Variants in CCDC30 observed in about 807,000 individuals in gnomAD.
CCDC30 encodes coiled-coil domain-containing protein 30.
In CCDC30, 70 loss-of-function variants were observed where a neutral mutation model predicts 100.2. That is an observed-to-expected ratio of 0.70 (90% CI 0.58 to 0.85). CCDC30 has a LOEUF of 0.85. Ranked by LOEUF, CCDC30 falls within the 40% of genes least tolerant of loss-of-function variation. The pLI is 0.00. For missense variants in CCDC30, 652 were observed against 771.2 expected (o/e 0.85, Z 1.83); for synonymous variants, 233 against 269.5 (o/e 0.86, Z 1.33).
At chr1:42,609,404 G>A (rs1391530719) in intron 10 of CCDC30, among the ~76,000 whole-genome samples, 1 of 152,128 alleles carries the variant, frequency 6.6e-6, no homozygotes, top group African/African-American at 2.4e-5. Flanking sequence ...GTTAACAGTA[G>A]GCTATTAGTA....
intron 9 of CCDC30, among the ~76,000 whole-genome samples, chr1:42,583,201 A>C (rs1032596609): frequency 3.3e-5 from 5 of 152,162 alleles, no homozygotes; most frequent in African/African-American, 1.2e-4. Flanking sequence ...GTCTCTTTAA[A>C]CTTTTCATTA....
At chr1:42,561,097 C>T (rs144268736) in intron 6 of CCDC30, among the ~76,000 whole-genome samples, 108 of 152,342 alleles carry the variant, frequency 7.1e-4, no homozygotes, top group African/African-American at 2.5e-3. Flanking sequence ...TCCTCCCTAA[C>T]TCATTTTATT....
chr1:42,547,626 G>C (rs1248387057), intron 6 of CCDC30, among the ~76,000 whole-genome samples: 1 of 152,082 alleles, frequency 6.6e-6, no homozygotes, highest in Admixed American at 6.5e-5. Context: ...TCCAGGACTT[G>C]GTCCAATCTG....
intron 11 of CCDC30, among the ~76,000 whole-genome samples, chr1:42,628,852 C>T (rs1032989654): frequency 6.6e-6 from 1 of 152,080 alleles, no homozygotes; most frequent in African/African-American, 2.4e-5. Context: ...TATCTTATAG[C>T]TAATTATTTT....
intron 11 of CCDC30, among the ~76,000 whole-genome samples, chr1:42,636,595 C>T (rs1647160871): frequency 6.6e-6 from 1 of 152,024 alleles, no homozygotes; most frequent in Non-Finnish European, 1.5e-5. Context: ...GATAAAAAAT[C>T]AGTTATACCA....
intron 11 of CCDC30, among the ~76,000 whole-genome samples, chr1:42,628,566 C>T (rs1272769736): frequency 6.6e-6 from 1 of 152,096 alleles, no homozygotes; most frequent in Non-Finnish European, 1.5e-5. Context: ...GTGCAAGGGA[C>T]CCAGGGGGAG....
intron 6 of CCDC30, chr1:42,529,506 CAGTT>C (rs1644775498): frequency 1.3e-5 from 2 of 151,768 alleles, no homozygotes; most frequent in Non-Finnish European, 2.9e-5. Context: ...TAAATGGTCT[CAGTT>C]AGTAATAATC....
Position 42,529,927 on chromosome 1 carries a change from A to G in CCDC30, c.456+31011A>G, listed in dbSNP as rs193291139. Among the ~76,000 whole-genome samples the G allele has an allele frequency of 2.0e-5, 3 of 152,376 alleles. No homozygotes were observed. The East Asian group carries it at 5.8e-4, about 29-fold the overall frequency. Reference sequence around the variant, plus strand: ...AAATATTAAATGCAAAATTCCATAAATAAGCAACTCATAAGTTTTAAGTTG... The same window carrying G: ...AAATATTAAATGCAAAATTCCATAAGTAAGCAACTCATAAGTTTTAAGTTG... On this transcript the variant is annotated intron_variant, in intron 6 of 16. Transcript: ENST00000668663.
chr1:42,495,455 A>T (rs556563099), intron 4 of CCDC30, among the ~76,000 whole-genome samples: 1 of 152,146 alleles, frequency 6.6e-6, no homozygotes, highest in African/African-American at 2.4e-5. Context: ...ATGTATACAT[A>T]TGTAACTAAC....
At chr1:42,524,996 T>G (rs959113880) in intron 6 of CCDC30, among the ~76,000 whole-genome samples, 2 of 152,248 alleles carry the variant, frequency 1.3e-5, no homozygotes, top group African/African-American at 4.8e-5. Context: ...TATCATTCCT[T>G]TGTCTTCTTG....
At position 42,608,716 on chromosome 1, in the gene CCDC30, CAAA is replaced by C. The variant is rs3044834; in HGVS notation, c.1165-2240_1165-2238del. ...AGAGCGCGACTCCGTCTCTCTGTCT[CAAA>C]AAAAAAAAAAAAAAAAAAAAAGATA... On this transcript the variant is annotated intron_variant, in intron 10 of 16. Transcript: ENST00000668663. 6.7e-3 allele frequency among the ~76,000 whole-genome samples: 372 copies of C among 55,386 alleles called. 2 individuals carry two copies. Among genetic ancestry groups the C allele is most frequent in the African/African-American group, 0.027 (360 of 13,272 alleles). The allele number at this position is 55,386 out of a possible 152,430, so 36.3% of individuals were successfully genotyped here.
intron 6 of CCDC30, among the ~76,000 whole-genome samples, chr1:42,559,902 CT>C (rs1311027576): frequency 6.6e-6 from 1 of 152,156 alleles, no homozygotes; most frequent in Admixed American, 6.5e-5. Flanking sequence ...TAAAACACTC[CT>C]CAGCAAATGC....
chr1:42,636,566 T>C (rs989578559), intron 11 of CCDC30, among the ~76,000 whole-genome samples: 1 of 151,706 alleles, frequency 6.6e-6, no homozygotes, highest in Non-Finnish European at 1.5e-5. Context: ...GGAACAGGAG[T>C]CAGAATTTAG....
At chr1:42,579,622 G>A (rs1229217422) in intron 8 of CCDC30, among the ~76,000 whole-genome samples, 3 of 151,736 alleles carry the variant, frequency 2.0e-5, no homozygotes, top group Non-Finnish European at 2.9e-5. Flanking sequence ...TGACAAGAGC[G>A]AAACTCTGTC....
At position 42,577,241 on chromosome 1, in the gene CCDC30, C is replaced by T; in HGVS notation, c.846+12C>T. 2 of 1,569,302 alleles carry T rather than the reference C, an allele frequency of 1.3e-6. No homozygotes were observed. Among genetic ancestry groups the T allele is most frequent in the Non-Finnish European group, 1.8e-6 (2 of 1,139,978 alleles). On this transcript the variant is annotated intron_variant, in intron 8 of 16. Transcript: ENST00000668663. ...ATGCAGAGGAAAAGGTAATTATCCT[C>T]ATGCTTAATAAACAGCATACACTGA...
In CCDC30 at chr1:42,621,029, A is replaced by T. The variant is rs150361634; in HGVS notation, c.1277+9939A>T. Among the ~76,000 whole-genome samples, 4 of 152,344 alleles carry T rather than the reference A, an allele frequency of 2.6e-5. No individual in the cohort carries two copies. In the East Asian group the frequency reaches 5.8e-4, roughly 22 times the overall value. On this transcript the variant is annotated intron_variant, in intron 11 of 16. Coordinates refer to ENST00000668663, the Ensembl canonical transcript of CCDC30. ...GAAGAAGCTGAGGCAAAATTAATGT[A>T]AGTAGAGAATTTATTTGATCCAGGC...
chr1:42,460,695 A>G (rs16829554), upstream of CCDC30, among the ~76,000 whole-genome samples: 1,854 of 152,316 alleles, frequency 0.012, 32 homozygotes, highest in African/African-American at 0.041. Context: ...CTAGAAGTCA[A>G]CTTAGCCAGC....
intron 15 of CCDC30, among the ~76,000 whole-genome samples, chr1:42,651,027 G>A (rs1557498281): frequency 6.6e-6 from 1 of 152,136 alleles, no homozygotes. Flanking sequence ...TCTATGTGCA[G>A]AAGAATGAAA....
chr1:42,501,757 CTGCAGAACAGCAAATAT>C (rs1455079864), intron 6 of CCDC30, among the ~76,000 whole-genome samples: 4 of 152,156 alleles, frequency 2.6e-5, no homozygotes, highest in Non-Finnish European at 5.9e-5. Context: ...CCAGCAGAGG[CTGCAGAACAGCAAATAT>C]TGCAGAACAG....
Sources: allele counts gnomAD v4.1 joint callset (sites outside exome capture counted in the v4.1 genomes callset), GRCh38; gene constraint gnomAD v4.1.1; transcripts MANE v1.5; gene names NCBI Gene and HGNC (gene_info 2026-07-23, HGNC 2026-07-21).